Variants in LIMA1 observed in about 807,000 individuals in gnomAD.
LIMA1 encodes LIM domain and actin-binding protein 1.
Under a neutral mutation model 62.6 loss-of-function variants are expected in LIMA1, and 52 were observed. That is an observed-to-expected ratio of 0.83 (90% CI 0.67 to 1.05). LIMA1 has a LOEUF of 1.05. LIMA1 is among the 50% of genes least tolerant of loss of function. The probability of loss-of-function intolerance (pLI) is 0.00; values close to 1 mark genes in which losing one functional copy is unlikely to be tolerated. For synonymous variants in LIMA1, 302 were observed against 317.8 expected (o/e 0.95, Z 0.53); for missense variants, 780 against 902.2 (o/e 0.86, Z 1.74).
intron 3 of LIMA1, among the ~76,000 whole-genome samples, chr12:50,230,577 T>C (rs1042009259): frequency 6.6e-6 from 1 of 150,424 alleles, no homozygotes; most frequent in Non-Finnish European, 1.5e-5. Context: ...TTTCTTTTTC[T>C]TTTTTTTTGA....
chr12:50,183,821 A>AC (rs1054031426), intron 9 of LIMA1, among the ~76,000 whole-genome samples: 1 of 150,780 alleles, frequency 6.6e-6, no homozygotes, highest in African/African-American at 2.4e-5. Context: ...AAAAAAAAAA[A>AC]AAAAAAAAAA....
chr12:50,198,464 A>G, intron 7 of LIMA1, among the ~76,000 whole-genome samples: 1 of 152,178 alleles, frequency 6.6e-6, no homozygotes, highest in African/African-American at 2.4e-5. Context: ...TGAGGCAGGA[A>G]GATCACTTGA....
intron 7 of LIMA1, among the ~76,000 whole-genome samples, chr12:50,197,616 G>C (rs985792240): frequency 1.3e-5 from 2 of 152,140 alleles, no homozygotes; most frequent in African/African-American, 4.8e-5. Context: ...TAATTAAAAT[G>C]TTCTAATCTT....
chr12:50,248,863 T>C, intron 1 of LIMA1, 89 bp from the exon 2 acceptor site: 1 of 707,610 alleles, frequency 1.4e-6, no homozygotes, highest in Non-Finnish European at 2.5e-6. Context: ...AGCCCTAAAC[T>C]TGCAGACCAC....
chr12:50,244,406 T>G (rs1028440977), intron 2 of LIMA1, among the ~76,000 whole-genome samples: 28 of 152,132 alleles, frequency 1.8e-4, no homozygotes, highest in African/African-American at 6.3e-4. Flanking sequence ...CCCAGCCATT[T>G]TTTTGTATTT....
chr12:50,252,305 T>C (rs1941940489), intron 1 of LIMA1, among the ~76,000 whole-genome samples: 2 of 151,866 alleles, frequency 1.3e-5, no homozygotes, highest in Admixed American at 6.6e-5. Flanking sequence ...CTTGGCCAGG[T>C]GTGGTGGCTC....
At chr12:50,216,538 T>C (rs12425705) in intron 4 of LIMA1, among the ~76,000 whole-genome samples, 54,390 of 151,974 alleles carry the variant, frequency 0.36, 10,220 homozygotes, top group South Asian at 0.48. Context: ...CTTTTGACGA[T>C]AGGTTACATT....
Position 50,236,495 on chromosome 12 carries a change from T to G in LIMA1, c.120-4785A>C, listed in dbSNP as rs550563273. Among the ~76,000 whole-genome samples, 41 of 151,892 alleles carry G rather than the reference T, an allele frequency of 2.7e-4. No individual in the cohort carries two copies. The South Asian group carries it at 4.0e-3, about 15-fold the overall frequency. ...TTGTATTTTTAGTAGAGATGAGGTT[T>G]CACCATGTTGGCCAGACTGGTCTCC... On this transcript the variant is annotated intron_variant, in intron 2 of 10. Coordinates refer to ENST00000341247, the MANE Select transcript of LIMA1 (RefSeq NM_016357.5).
intron 8 of LIMA1, among the ~76,000 whole-genome samples, chr12:50,194,639 C>T (rs1160767643): frequency 2.6e-5 from 4 of 152,146 alleles, no homozygotes; most frequent in East Asian, 1.9e-4. Context: ...CAGTGGCTCA[C>T]GCCCGTAATC....
At chr12:50,241,936 T>TC in intron 2 of LIMA1, among the ~76,000 whole-genome samples, 1 of 32,244 alleles carries the variant, frequency 3.1e-5, no homozygotes, top group East Asian at 7.9e-4. Flanking sequence ...TTCCCAGATT[T>TC]TTTTTTTTTT....
At chr12:50,267,437 G>A (rs796597264) in intron 1 of LIMA1, among the ~76,000 whole-genome samples, 85 of 151,550 alleles carry the variant, frequency 5.6e-4, no homozygotes, top group Admixed American at 1.5e-3. Flanking sequence ...GGCTGGTCTC[G>A]AACTTCTGAC....
At chr12:50,202,555 A>T (rs1250264911) in intron 6 of LIMA1, among the ~76,000 whole-genome samples, 1 of 152,198 alleles carries the variant, frequency 6.6e-6, no homozygotes, top group Non-Finnish European at 1.5e-5. Flanking sequence ...AGGGAAGTCT[A>T]AATTTGCTCG....
intron 3 of LIMA1, chr12:50,222,701 A>G (rs1180162463): frequency 6.1e-6 from 9 of 1,467,298 alleles, no homozygotes; most frequent in Admixed American, 2.4e-5. Flanking sequence ...GAGCTGAAGC[A>G]GGAAGTGATA....
chr12:50,191,962 T>A (rs1490491710), intron 9 of LIMA1, among the ~76,000 whole-genome samples: 2 of 150,762 alleles, frequency 1.3e-5, no homozygotes, highest in Middle Eastern at 3.2e-3. Flanking sequence ...TGAAACCCTG[T>A]CTCTACCAAA....
intron 4 of LIMA1, among the ~76,000 whole-genome samples, chr12:50,208,792 G>A (rs116225958): frequency 0.014 from 2,112 of 151,960 alleles, 46 homozygotes; most frequent in African/African-American, 0.049. Flanking sequence ...AGGATCCTTT[G>A]AGCCTAGGAG....
At chr12:50,208,685 A>G (rs1941198470) in intron 4 of LIMA1, among the ~76,000 whole-genome samples, 1 of 151,982 alleles carries the variant, frequency 6.6e-6, no homozygotes, top group Non-Finnish European at 1.5e-5. Context: ...TATTATATAC[A>G]TATTACATAT....
intron 4 of LIMA1, among the ~76,000 whole-genome samples, chr12:50,221,299 T>G (rs553029862): frequency 4.3e-4 from 66 of 152,040 alleles, no homozygotes; most frequent in Non-Finnish European, 4.7e-4. Context: ...CTGGAAAAAT[T>G]TACCAGCTCT....
chr12:50,249,085 C>T (rs1941892004), intron 1 of LIMA1, among the ~76,000 whole-genome samples: 1 of 152,196 alleles, frequency 6.6e-6, no homozygotes, highest in South Asian at 2.1e-4. Context: ...AAATGTTTCC[C>T]TCTTCTGAAT....
intron 1 of LIMA1, among the ~76,000 whole-genome samples, chr12:50,265,198 C>G (rs902512107): frequency 1.8e-4 from 27 of 151,638 alleles, no homozygotes; most frequent in African/African-American, 6.1e-4. Context: ...AGCTGTTTGA[C>G]TTTTTAGCTT....
Sources: allele counts gnomAD v4.1 joint callset (sites outside exome capture counted in the v4.1 genomes callset), GRCh38; gene constraint gnomAD v4.1.1; transcripts MANE v1.5; gene names NCBI Gene and HGNC (gene_info 2026-07-23, HGNC 2026-07-21).